The following WDR90 variants were observed in gnomAD, a reference collection of about 807,000 sequenced individuals.
WDR90 encodes WD repeat domain 90.
WDR90 carries 238 observed loss-of-function variants against 195.2 expected under a neutral mutation model. That is an observed-to-expected ratio of 1.22 (90% CI 1.10 to 1.36). The LOEUF is 1.36. Among genes scored for constraint, WDR90 ranks in the 40% most tolerant of loss-of-function variants. The probability of loss-of-function intolerance (pLI) is 0.00; values close to 1 mark genes in which losing one functional copy is unlikely to be tolerated. For synonymous variants in WDR90, 1,265 were observed against 1,052.4 expected, an observed-to-expected ratio of 1.20 and a Z score of -3.91; for missense variants, 2,734 against 2,439.5, an observed-to-expected ratio of 1.12 and a Z score of -2.54.
intron 20 of WDR90, 118 bp downstream of exon 20, chr16:657,339 G>T (rs1049346808): frequency 7.1e-7 from 1 of 1,404,452 alleles, no homozygotes; most frequent in African/African-American, 1.4e-5. Flanking sequence ...GGGTCCTGTG[G>T]GGGGGCGTGG....
At chr16:662,375 G>T in intron 33 of WDR90, 44 bp downstream of exon 33, 1 of 1,537,958 alleles carries the variant, frequency 6.5e-7, no homozygotes. Context: ...CGTGGGTGTT[G>T]GTGTCCCTGA....
chr16:660,721 G>A lies in WDR90; in HGVS notation c.3391+7G>A. ...GTCTGGAGGCCGGACACAGGTGGGG[G>A]CCAAGAGCCTACCCCCACCCCCAGC... On this transcript the variant is annotated splice_region_variant and intron_variant, in intron 28 of 40. Transcript: ENST00000293879. The A allele has an allele frequency of 2.6e-6, 4 of 1,549,710 alleles. No homozygotes were observed. Among genetic ancestry groups the A allele is most frequent in the Non-Finnish European group, 2.6e-6 (3 of 1,144,140 alleles).
At chr16:660,756 G>A (rs926109659) in intron 28 of WDR90, 42 bp downstream of exon 28, 12 of 1,523,586 alleles carry the variant, frequency 7.9e-6, no homozygotes, top group Non-Finnish European at 1.1e-5. Flanking sequence ...CCAAGATGCG[G>A]CCGCGCGTGG....
At position 652,461 on chromosome 16, in the gene WDR90, T is replaced by C. The variant is rs775039370; in HGVS notation, c.1054-6T>C. On this transcript the variant is annotated splice_region_variant and splice_polypyrimidine_tract_variant and intron_variant, in intron 9 of 40. Transcript: ENST00000293879. ...CCCAGGACTTTGATGCGAATGGCTG[T>C]TTCAGGGCTTCCTCCCAGACCCAGT... 1.2e-6 allele frequency: 2 copies of C among 1,601,484 alleles called. No individual in the cohort carries two copies. The highest frequency in any genetic ancestry group is 2.7e-5 in the African/African-American group (2 of 74,430).
rs550736417 is a variant in WDR90, at chr16:655,110, G to A, written c.1519G>A (p.Val507Ile). 12 of 1,612,818 alleles carry A rather than the reference G, an allele frequency of 7.4e-6. No individual in the cohort carries two copies. Among genetic ancestry groups the A allele is most frequent in the East Asian group, 2.2e-5 (1 of 44,872 alleles). ...GGCAAAGGCGCACACTGACTTTGAC[G>A]TCCAGGCCTTCCGGGTCACCTTTTT... ...VLAKAHTDFD[V>I]QAFRVTFFDE... The change falls in exon 14 of 41, where the codon GTC (valine) becomes ATC (isoleucine). Residue 507 changes from valine to isoleucine, a missense_variant. Coordinates refer to ENST00000293879, the MANE Select transcript of WDR90 (RefSeq NM_145294.5).
chr16:666,782 G>A lies in WDR90; in HGVS notation c.4994G>A (p.Cys1665Tyr). The change falls in exon 39 of 41, where the codon TGC becomes TAC. Residue 1665 changes from cysteine to tyrosine, a missense_variant. Physicochemically the swap from Cys to Tyr is radical, Grantham distance 194. Coordinates refer to ENST00000293879, the MANE Select transcript of WDR90 (RefSeq NM_145294.5). ...AAGGAGGTGATCATCTACAACCTCT[G>A]CCAGAAGCAGGTACACGCAGCTGCC... is the stretch of plus-strand genomic sequence containing the variant. ...VYKEVIIYNL[C>Y]QKQVVEKIPL... 4 of 1,612,854 alleles carry A rather than the reference G, an allele frequency of 2.5e-6. No individual in the cohort carries two copies. Among genetic ancestry groups the A allele is most frequent in the Non-Finnish European group, 3.4e-6 (4 of 1,179,948 alleles).
chr16:662,738 A>C lies in WDR90; in HGVS notation c.4205A>C (p.Asp1402Ala), dbSNP rs1567222058. ...GGGGCTGTGGTGAGTGCCAGCTTCGATGACAGCGTGGACATGGGCGTCGTG... is the reference window on the plus strand; with the variant it reads ...GGGGCTGTGGTGAGTGCCAGCTTCGCTGACAGCGTGGACATGGGCGTCGTG... ...LDGAVVSASF[D>A]DSVDMGVVGT... The change falls in exon 34 of 41, where the codon GAT (aspartate) becomes GCT (alanine). Residue 1402 changes from aspartate (D) to alanine (A), a missense_variant. Coordinates refer to ENST00000293879, the MANE Select transcript of WDR90 (RefSeq NM_145294.5). 4 of 1,598,956 alleles carry C rather than the reference A, an allele frequency of 2.5e-6. No individual in the cohort carries two copies. The South Asian group carries it at 3.3e-5, about 13-fold the overall frequency.
In WDR90 at chr16:661,795, C is replaced by T; in HGVS notation, c.3864+8C>T. The T allele has an allele frequency of 3.1e-6, 5 of 1,592,820 alleles. No homozygotes were observed. Among genetic ancestry groups the T allele is most frequent in the Non-Finnish European group, 3.4e-6 (4 of 1,167,376 alleles). The stretch of plus-strand genomic sequence containing the variant: ...GCAGACATCAGCCTTCAGGTGCCAC[C>T]CGTTCAGCGTTTGGGCCCAGGGGTT... On this transcript the variant is annotated splice_region_variant and intron_variant, in intron 31 of 40. Transcript: ENST00000293879.
intron 2 of WDR90, 52 bp from the exon 3 acceptor site, chr16:649,939 C>G (rs1374797721): frequency 1.2e-6 from 2 of 1,606,824 alleles, no homozygotes; most frequent in Admixed American, 1.7e-5. Flanking sequence ...CCCCTCGCCC[C>G]CGCTGCACTT....
rs569590178 is a variant in WDR90 at position 663,109 on chromosome 16, T to C, written c.4311+265T>C. The stretch of plus-strand genomic sequence containing the variant: ...TCCCTGCTATTGCTTTGCGTTTTTT[T>C]GTTTGTTTGTTTTTTGTTTTTTGTA... On this transcript the variant is annotated intron_variant, in intron 34 of 40. Coordinates refer to ENST00000293879, the MANE Select transcript of WDR90 (RefSeq NM_145294.5). 21 of 617,592 alleles carry C rather than the reference T, an allele frequency of 3.4e-5. No homozygotes were observed. The Admixed American group carries it at 4.5e-4, about 13-fold the overall frequency. 38.3% of individuals were successfully genotyped at this position (617,592 alleles called of 1,614,324 possible).
rs1294815501 is a variant in WDR90, at chr16:656,462, G to A, written c.2127G>A (p.Glu709=). Residue 709 remains glutamate, a synonymous_variant, in exon 18 of 41, where the codon GAG becomes GAA. Coordinates refer to ENST00000293879, the MANE Select transcript of WDR90 (RefSeq NM_145294.5). ...CCCCGGTGTTGGCCCTCGCCATGGA[G>A]CAGAGGCGGGGACAGCTGGCCACCG... ...HTAPVLALAM[E]QRRGQLATVS... is the part of the protein sequence containing the mutation. 2 of 1,597,250 alleles carry A rather than the reference G, an allele frequency of 1.3e-6. No individual in the cohort carries two copies. The highest frequency in any genetic ancestry group is 2.2e-5 in the South Asian group (2 of 89,330).
At chr16:664,623 G>C (rs1350949386) in intron 34 of WDR90, among the ~76,000 whole-genome samples, 4 of 152,124 alleles carry the variant, frequency 2.6e-5, no homozygotes, top group African/African-American at 9.7e-5. Context: ...CCCTCCCGGG[G>C]AGATGGACTG....
At chr16:653,851 G>T (rs368231266) in intron 13 of WDR90, 48 bp downstream of exon 13, 2 of 1,602,512 alleles carry the variant, frequency 1.2e-6, no homozygotes, top group South Asian at 2.2e-5. Flanking sequence ...CCTGATGCAC[G>T]CAGACAGCTG....
At chr16:649,334 C>T (rs908252794), upstream of WDR90, 10 of 1,308,064 alleles carry the variant, frequency 7.6e-6, no homozygotes, top group African/African-American at 1.5e-5. Flanking sequence ...GCACCGTTGC[C>T]AGGCAGCCGT....
chr16:659,064 A>G (rs1596465237), intron 24 of WDR90, 22 bp from the exon 25 acceptor site: 2 of 1,611,490 alleles, frequency 1.2e-6, no homozygotes, highest in African/African-American at 1.3e-5. Flanking sequence ...CCCTCCTGAA[A>G]CCCTCTCTCC....
At chr16:665,457 G>C in intron 34 of WDR90, 1 of 656,902 alleles carries the variant, frequency 1.5e-6, no homozygotes, top group East Asian at 2.8e-5. Context: ...CGCCGGGTTT[G>C]ACTGGCTAGT....
In WDR90 at chr16:661,633, C is replaced by T. The variant is rs376851029; in HGVS notation, c.3710C>T (p.Thr1237Met). ...GGCCGCACCCTCGCCCTGTGGGGCA[C>T]GGCCACCTATGACCTCGTGTCCTCC... is the stretch of plus-strand genomic sequence containing the variant. ...HDGRTLALWGTATYDLVSSTR... is the reference protein window; with the variant it reads ...HDGRTLALWGMATYDLVSSTR... Residue 1237 changes from threonine (T) to methionine (M), a missense_variant, in exon 31 of 41, where the codon ACG becomes ATG. Physicochemically the swap from Thr to Met is moderately conservative, Grantham distance 81 (BLOSUM62 -1). Coordinates refer to ENST00000293879, the MANE Select transcript of WDR90 (RefSeq NM_145294.5). 7.5e-6 allele frequency: 12 copies of T among 1,603,360 alleles called. No homozygotes were observed. Among genetic ancestry groups the T allele is most frequent in the East Asian group, 4.5e-5 (2 of 44,798 alleles).
At chr16:660,294 C>T (rs1397094523) in intron 27 of WDR90, 133 bp downstream of exon 27, 2 of 818,072 alleles carry the variant, frequency 2.4e-6, no homozygotes, top group Admixed American at 3.0e-5. Flanking sequence ...CGCCTGTCCC[C>T]TGGAGGCAAC....
chr16:659,431 A>T (rs2037843718), intron 26 of WDR90, 55 bp downstream of exon 26: 1 of 1,564,480 alleles, frequency 6.4e-7, no homozygotes, highest in Admixed American at 1.9e-5. Flanking sequence ...GAGAGGGCAC[A>T]GGCCCAGTGG....
Sources: gnomAD v4.1 joint callset for allele counts (sites outside exome capture counted in the v4.1 genomes callset) on GRCh38, gnomAD v4.1.1 for gene constraint, MANE v1.5 for transcripts, NCBI Gene and HGNC (gene_info 2026-07-23, HGNC 2026-07-21) for gene names.